Variants in CCDC66 observed in about 807,000 individuals in gnomAD.
CCDC66 encodes the protein coiled-coil domain containing 66, also known as coiled-coil domain-containing protein 66.
In CCDC66, 133 loss-of-function variants were observed where a neutral mutation model predicts 128.3. The ratio of observed to expected loss-of-function variants is 1.04; its 90% CI spans 0.90 to 1.20. The LOEUF (loss-of-function observed/expected upper bound fraction) is 1.20. Among genes scored for constraint, CCDC66 ranks in the 50% most tolerant of loss-of-function variants. The pLI, the probability that CCDC66 is intolerant of heterozygous loss-of-function variation, is 0.00. For synonymous variants in CCDC66, 387 were observed against 357.0 expected (o/e 1.08, Z -0.95); for missense variants, 1,126 against 1,075.5 (o/e 1.05, Z -0.66).
In CCDC66 at chr3:56,592,995, T is replaced by G; in HGVS notation, c.962T>G (p.Phe321Cys). The G allele has an allele frequency of 6.2e-7, 1 of 1,611,244 alleles. No homozygotes were observed. The highest frequency in any genetic ancestry group is 1.3e-5 in the African/African-American group (1 of 74,930). Residue 321 changes from phenylalanine (F) to cysteine (C), a missense_variant, in exon 8 of 18, where the codon TTC (phenylalanine) becomes TGC (cysteine). Phe to Cys is a radical substitution (Grantham distance 205). Coordinates refer to ENST00000394672, the MANE Select transcript of CCDC66 (RefSeq NM_001141947.3). ...GAAACAGTACTGCTGGAGCACCCTT[T>G]CAGTGCTGTGAAACAAGAACTGCAA... is the stretch of plus-strand genomic sequence containing the variant. The part of the protein sequence containing the change: ...SRETVLLEHP[F>C]SAVKQELQRK...
chr3:56,614,183 A>G (rs141864109), intron 11 of CCDC66, among the ~76,000 whole-genome samples: 90 of 152,344 alleles, frequency 5.9e-4, no homozygotes, highest in Middle Eastern at 3.4e-3. Context: ...TAAAGTTAGC[A>G]AAGAGAGAAG....
chr3:56,619,583 T>C (rs200071898), intron 16 of CCDC66, 56 bp downstream of exon 16: 1 of 371,252 alleles, frequency 2.7e-6, no homozygotes, highest in South Asian at 1.8e-4. Flanking sequence ...GTAAACCCCG[T>C]CAACAACTTT....
rs185145465 is a variant in CCDC66 at position 56,567,057 on chromosome 3, G to A, written c.814+4G>A. On this transcript the variant is annotated splice_donor_region_variant and intron_variant, in intron 6 of 17. Transcript: ENST00000394672. ...GCCCAGTGGAGGAAAGAGCTAGGTAGGTAACTTTTATACCTTTATTATAGT... is the reference window on the plus strand; with the variant it reads ...GCCCAGTGGAGGAAAGAGCTAGGTAAGTAACTTTTATACCTTTATTATAGT... 4.8e-4 allele frequency: 775 copies of A among 1,605,090 alleles called. 5 individuals are homozygous for A. In the African/African-American group the frequency reaches 9.5e-3, roughly 20 times the overall value.
In CCDC66 at chr3:56,567,007, T is replaced by C. The variant is rs767821878; in HGVS notation, c.768T>C (p.Asp256=). The C allele has an allele frequency of 3.8e-5, 61 of 1,614,138 alleles. No individual in the cohort carries two copies. The highest frequency in any genetic ancestry group is 5.2e-5 in the Non-Finnish European group (61 of 1,180,006). ...IFSTLGEREC[D]RSSLEAKKAQ... is the part of the protein sequence containing the mutation. Reference sequence around the variant, plus strand: ...GTACTCTGGGGGAAAGGGAATGTGATAGAAGTTCGTTGGAAGCAAAAAAAG... The same window carrying C: ...GTACTCTGGGGGAAAGGGAATGTGACAGAAGTTCGTTGGAAGCAAAAAAAG... The change falls in exon 6 of 18, where the codon GAT becomes GAC. Residue 256 remains aspartate, a synonymous_variant. Coordinates refer to ENST00000394672, the MANE Select transcript of CCDC66 (RefSeq NM_001141947.3).
chr3:56,618,502 C>A, intron 15 of CCDC66: 1 of 310,516 alleles, frequency 3.2e-6, no homozygotes, highest in Non-Finnish European at 5.9e-6. Flanking sequence ...AATAGGCATT[C>A]TGCTTTGGGA....
Position 56,572,306 on chromosome 3 carries a change from G to A in CCDC66, c.936+1004G>A, listed in dbSNP as rs762121907. The A allele has an allele frequency of 1.7e-5, 21 of 1,234,614 alleles. No individual in the cohort carries two copies. The African/African-American group carries it at 3.2e-4, about 19-fold the overall frequency. 76.5% of individuals were successfully genotyped at this position (1,234,614 alleles called of 1,614,324 possible). A position where few individuals can be genotyped will look rare whatever the true frequency, so the allele number is the denominator to read the frequency against. ...TTTTGGGTAAAGAAACAGTGTCACT[G>A]TTTTTCTATTTATTTTTACACTTCT... On this transcript the variant is annotated intron_variant, in intron 7 of 17. Transcript: ENST00000394672.
In CCDC66 at chr3:56,616,047, C is replaced by A. The variant is rs1406928851; in HGVS notation, c.1837C>A (p.Gln613Lys). Residue 613 changes from glutamine (Q) to lysine (K), a missense_variant, in exon 13 of 18, where the codon CAA becomes AAA. Gln to Lys is a moderately conservative substitution (Grantham distance 53). Coordinates refer to ENST00000394672, the MANE Select transcript of CCDC66 (RefSeq NM_001141947.3). Reference sequence around the variant, plus strand: ...GACTTCTAAGAAGGATACTGGTGTGCAAACAGGTATTTGTGTGGAAATTGT... The same window carrying A: ...GACTTCTAAGAAGGATACTGGTGTGAAAACAGGTATTTGTGTGGAAATTGT... Reference protein sequence around the residue: ...STTSKKDTGVQTDDLNIGIFT... With the variant: ...STTSKKDTGVKTDDLNIGIFT... The A allele has an allele frequency of 6.3e-7, 1 of 1,583,646 alleles. No individual in the cohort carries two copies. Among genetic ancestry groups the A allele is most frequent in the Non-Finnish European group, 8.6e-7 (1 of 1,167,600 alleles).
chr3:56,559,468 C>A (rs2064814467), intron 2 of CCDC66, 101 bp from the exon 3 acceptor site: 1 of 739,152 alleles, frequency 1.4e-6, no homozygotes, highest in Non-Finnish European at 2.2e-6. Context: ...GATAATGTTG[C>A]TAGCTTAAAA....
intron 4 of CCDC66, among the ~76,000 whole-genome samples, chr3:56,564,831 C>T (rs1430553387): frequency 3.9e-5 from 6 of 152,110 alleles, no homozygotes; most frequent in African/African-American, 1.4e-4. Flanking sequence ...GGTTTGGGGA[C>T]CCATTAACTC....
chr3:56,596,401 G>A (rs1407800162), intron 10 of CCDC66, among the ~76,000 whole-genome samples: 1 of 152,006 alleles, frequency 6.6e-6, no homozygotes, highest in Admixed American at 6.6e-5. Context: ...GGAATTATTT[G>A]GATTTTTGGT....
At chr3:56,587,857 T>G (rs2070090921) in intron 7 of CCDC66, among the ~76,000 whole-genome samples, 2 of 152,000 alleles carry the variant, frequency 1.3e-5, no homozygotes, top group Non-Finnish European at 2.9e-5. Context: ...TGACAGAGAC[T>G]CCGTCTCAAA....
intron 7 of CCDC66, among the ~76,000 whole-genome samples, chr3:56,585,899 T>C (rs1231022620): frequency 6.6e-6 from 1 of 151,862 alleles, no homozygotes; most frequent in Admixed American, 6.6e-5. Flanking sequence ...TACAAGAATT[T>C]TGTGGTTAGA....
At chr3:56,615,748 A>C in intron 12 of CCDC66, 174 bp from the exon 13 acceptor site, 1 of 435,184 alleles carries the variant, frequency 2.3e-6, no homozygotes, top group Non-Finnish European at 3.9e-6. Flanking sequence ...AACAATTATT[A>C]AATGATCTCC....
At chr3:56,598,453 T>C (rs1345608508) in intron 10 of CCDC66, among the ~76,000 whole-genome samples, 1 of 151,982 alleles carries the variant, frequency 6.6e-6, no homozygotes, top group Non-Finnish European at 1.5e-5. Flanking sequence ...GTTGCTATGT[T>C]GAATAAGAAT....
At chr3:56,590,175 G>A (rs945592580) in intron 7 of CCDC66, among the ~76,000 whole-genome samples, 1 of 152,172 alleles carries the variant, frequency 6.6e-6, no homozygotes, top group Non-Finnish European at 1.5e-5. Flanking sequence ...AAGAAGGGCT[G>A]TTCTGGCCCA....
intron 7 of CCDC66, among the ~76,000 whole-genome samples, chr3:56,592,244 C>T (rs974822030): frequency 7.9e-5 from 12 of 152,208 alleles, no homozygotes; most frequent in African/African-American, 2.4e-5. Flanking sequence ...TCTATATTCT[C>T]CTTGTTCTTG....
chr3:56,561,617 G>A (rs1054801997), intron 3 of CCDC66, among the ~76,000 whole-genome samples: 2 of 152,134 alleles, frequency 1.3e-5, no homozygotes, highest in African/African-American at 4.8e-5. Flanking sequence ...TGTATTGATT[G>A]TTTTCAAGAA....
rs780911888 is a variant in CCDC66, at chr3:56,558,845, G to C, written c.12-1G>C. ...GAGACAACTTTCTTTTTTTATTACA[G>C]AGATGGTTTAAAGCTTGAAACTGAA... On this transcript the variant is annotated splice_acceptor_variant, in intron 1 of 17. Coordinates refer to ENST00000394672, the MANE Select transcript of CCDC66 (RefSeq NM_001141947.3). LOFTEE classifies it high-confidence loss of function. 29 of 1,545,418 alleles carry C rather than the reference G, an allele frequency of 1.9e-5. No homozygotes were observed. The South Asian group carries it at 2.9e-4, about 15-fold the overall frequency.
Position 56,571,729 on chromosome 3 carries a change from T to TA in CCDC66, c.936+434dup, listed in dbSNP as rs1469639287. ...GGGTTTTTTGTATGTGTGTTTTTTTTAAAAAAAGAAACAGGGTCTTGCTCT... is the reference window on the plus strand; with the variant it reads ...GGGTTTTTTGTATGTGTGTTTTTTTTAAAAAAAAGAAACAGGGTCTTGCTCT... On this transcript the variant is annotated intron_variant, in intron 7 of 17. Transcript: ENST00000394672. Among the ~76,000 whole-genome samples the TA allele has an allele frequency of 3.3e-5, 5 of 152,048 alleles. No homozygotes were observed. In the East Asian group the frequency reaches 7.7e-4, roughly 23 times the overall value.
Sources: allele counts gnomAD v4.1 joint callset (sites outside exome capture counted in the v4.1 genomes callset), GRCh38; gene constraint gnomAD v4.1.1; transcripts MANE v1.5; gene names NCBI Gene and HGNC (gene_info 2026-07-23, HGNC 2026-07-21).